The following RPS9 variants were observed in gnomAD, a reference collection of about 807,000 sequenced individuals.
RPS9 encodes ribosomal protein S9, also known as small ribosomal subunit protein uS4.
RPS9 carries 1 observed loss-of-function variant against 16.9 expected under a neutral mutation model. The ratio of observed to expected loss-of-function variants is 0.06; its 90% CI spans 0.02 to 0.28. The LOEUF (loss-of-function observed/expected upper bound fraction) is 0.28, where lower values mean the gene tolerates loss of function less well. Ranked by LOEUF, RPS9 falls within the 10% of genes least tolerant of loss-of-function variation. The probability of loss-of-function intolerance (pLI) is 1.00; values close to 1 mark genes in which losing one functional copy is unlikely to be tolerated. For synonymous variants in RPS9, 106 were observed against 110.9 expected (o/e 0.96, Z 0.28); for missense variants, 137 against 273.2 (o/e 0.50, Z 3.51).
intron 3 of RPS9, chr19:54,201,864 G>A: frequency 1.6e-6 from 1 of 610,052 alleles, no homozygotes; most frequent in Non-Finnish European, 2.7e-6. Flanking sequence ...GATAGGCCTG[G>A]CACACCTGGG....
intron 3 of RPS9, chr19:54,201,886 A>AT (rs2077067634): frequency 1.9e-6 from 1 of 522,510 alleles, no homozygotes; most frequent in Non-Finnish European, 3.3e-6. Flanking sequence ...ACCCGTCTAT[A>AT]TCTTTATATT....
intron 1 of RPS9, 30 bp from the exon 2 acceptor site, chr19:54,201,130 C>G (rs766282714): frequency 4.3e-6 from 7 of 1,611,444 alleles, no homozygotes; most frequent in Non-Finnish European, 5.9e-6. Context: ...CCGTTTGGAT[C>G]CCTTACGCTC....
Position 54,207,560 on chromosome 19 carries a change from C to G in RPS9, c.570C>G (p.Asp190Glu), listed in dbSNP as rs142681896. 1.6e-5 allele frequency: 26 copies of G among 1,610,014 alleles called. No individual in the cohort carries two copies. The highest frequency in any genetic ancestry group is 4.0e-5 in the African/African-American group (3 of 74,834). ...AGGGTGGGGCTGGGGCTGGAGACGACGAGGAGGAGGATTAAGTCCACCTGT... is the reference window on the plus strand; with the variant it reads ...AGGGTGGGGCTGGGGCTGGAGACGAGGAGGAGGAGGATTAAGTCCACCTGT... ...KGQGGAGAGD[D>E]EEED is the part of the protein sequence containing the mutation. Residue 190 changes from aspartate (D) to glutamate (E), a missense_variant, in exon 5 of 5, where the codon GAC becomes GAG. Around this residue, in one of 3 missense-constraint regions of RPS9, gnomAD observed 19 missense variants for 18.2 expected, o/e 1.04. Transcript: ENST00000302907.
At chr19:54,200,943 G>T (rs1267808005) in intron 1 of RPS9, 55 bp downstream of exon 1, 2 of 1,408,326 alleles carry the variant, frequency 1.4e-6, no homozygotes, top group African/African-American at 2.9e-5. Context: ...GGTGGCCCGG[G>T]CCTTCCGAGT....
chr19:54,207,647 A>G lies in RPS9; in HGVS notation c.*72A>G, dbSNP rs1010688893. 9.5e-6 allele frequency: 13 copies of G among 1,374,046 alleles called. No homozygotes were observed. Among genetic ancestry groups the G allele is most frequent in the African/African-American group, 2.9e-5 (2 of 68,984 alleles). The allele number at this position is 1,374,046 out of a possible 1,614,324, so 85.1% of individuals were successfully genotyped here. ...AAATAAACAGGATCAGCGCTTTACA[A>G]TTGGTGTGTGGGGGTCTCTCATCCT... On this transcript the variant is annotated 3_prime_UTR_variant, in exon 5 of 5. Transcript: ENST00000302907.
intron 3 of RPS9, chr19:54,201,831 G>C (rs1156824529): frequency 1.3e-5 from 12 of 918,702 alleles, no homozygotes; most frequent in Non-Finnish European, 1.9e-5. Context: ...TGGACCTTCA[G>C]TTTAGTAATG....
chr19:54,201,419 A>G, intron 2 of RPS9, 68 bp from the exon 3 acceptor site: 2 of 1,609,542 alleles, frequency 1.2e-6, no homozygotes, highest in Non-Finnish European at 1.7e-6. Flanking sequence ...TTGTGATTCC[A>G]AAGCTGCCAG....
chr19:54,206,943 C>T lies in RPS9; in HGVS notation c.408-455C>T, dbSNP rs139437372. On this transcript the variant is annotated intron_variant, in intron 4 of 4. Coordinates refer to ENST00000302907, the MANE Select transcript of RPS9 (RefSeq NM_001013.4). ...AGATGTTTGCGTTTAGAATCTTCGC[C>T]CCAGCCCTTCACTAACCCTGTGAGC... 2.8e-3 allele frequency: 1,386 copies of T among 487,666 alleles called. 16 individuals are homozygous for T. Among genetic ancestry groups the T allele is most frequent in the African/African-American group, 0.022 (1,162 of 52,054 alleles). 30.2% of individuals were successfully genotyped at this position (487,666 alleles called of 1,614,324 possible).
intron 3 of RPS9, chr19:54,202,789 GT>G (rs1239998934): frequency 1.0e-6 from 1 of 985,312 alleles, no homozygotes; most frequent in Non-Finnish European, 1.2e-6. Context: ...GGTCATCCAT[GT>G]TAGGCGTTGA....
chr19:54,201,888 C>G (rs2077067695), intron 3 of RPS9: 1 of 493,506 alleles, frequency 2.0e-6, no homozygotes, highest in Middle Eastern at 5.3e-4. Flanking sequence ...CCGTCTATAT[C>G]TTTATATTCT....
intron 4 of RPS9, chr19:54,206,844 C>A: frequency 1.2e-6 from 1 of 834,980 alleles, no homozygotes; most frequent in Non-Finnish European, 1.8e-6. Flanking sequence ...TCCATGACTG[C>A]GTTCTGGGTA....
intron 3 of RPS9, chr19:54,202,795 C>T (rs1333895114): frequency 1.9e-5 from 19 of 985,262 alleles, no homozygotes; most frequent in African/African-American, 1.0e-4. Context: ...CCATGTTAGG[C>T]GTTGAGAAAG....
At chr19:54,205,839 C>T (rs2077222040) in intron 3 of RPS9, among the ~76,000 whole-genome samples, 1 of 152,152 alleles carries the variant, frequency 6.6e-6, no homozygotes. Context: ...TGTTTTGTGA[C>T]AGGGCCTCAC....
chr19:54,207,181 T>C lies in RPS9; in HGVS notation c.408-217T>C, dbSNP rs1600773820. On this transcript the variant is annotated intron_variant, in intron 4 of 4. Coordinates refer to ENST00000302907, the MANE Select transcript of RPS9 (RefSeq NM_001013.4). Reference sequence around the variant, plus strand: ...ATACTTTCGGATTTCTCCTATAAAATGGGGTTGAGAAAGTCATCTGAAGCA... The same window carrying C: ...ATACTTTCGGATTTCTCCTATAAAACGGGGTTGAGAAAGTCATCTGAAGCA... 5.5e-6 allele frequency: 3 copies of C among 541,984 alleles called. No individual in the cohort carries two copies. The East Asian group carries it at 9.1e-5, about 16-fold the overall frequency. The allele number at this position is 541,984 out of a possible 1,614,324, so 33.6% of individuals were successfully genotyped here.
intron 4 of RPS9, chr19:54,206,891 G>A: frequency 3.4e-6 from 2 of 596,652 alleles, no homozygotes; most frequent in Non-Finnish European, 5.8e-6. Context: ...CACCATTGAG[G>A]GGGAGGAGCT....
chr19:54,206,807 G>C (rs1483674815), intron 4 of RPS9: 27 of 1,235,726 alleles, frequency 2.2e-5, no homozygotes, highest in Admixed American at 2.0e-4. Flanking sequence ...CTCCTGGCCC[G>C]CTTGTGAAGT....
chr19:54,203,444 C>T (rs548946851), intron 3 of RPS9: 7 of 369,496 alleles, frequency 1.9e-5, no homozygotes, highest in Admixed American at 6.5e-5. Flanking sequence ...ACTGAACAGC[C>T]GCCAACATTT....
At chr19:54,200,929 G>A in intron 1 of RPS9, 41 bp downstream of exon 1, 1 of 1,349,082 alleles carries the variant, frequency 7.4e-7, no homozygotes, top group East Asian at 3.1e-5. Flanking sequence ...GGTTTGGGTT[G>A]GATGGTGGCC....
chr19:54,206,905 C>T, intron 4 of RPS9: 2 of 560,170 alleles, frequency 3.6e-6, no homozygotes, highest in South Asian at 4.5e-5. Context: ...AGGAGCTGTA[C>T]AGAAAGAGGG....
Sources: allele counts gnomAD v4.1 joint callset (sites outside exome capture counted in the v4.1 genomes callset), GRCh38; gene constraint gnomAD v4.1.1; regional missense constraint gnomAD v4.1.1; transcripts MANE v1.5; gene names NCBI Gene and HGNC (gene_info 2026-07-23, HGNC 2026-07-21).